The following ZNF717 variants were observed in gnomAD, a reference collection of about 807,000 sequenced individuals.
ZNF717 encodes krueppel-like factor X17.
Under a neutral mutation model 13.8 loss-of-function variants are expected in ZNF717, and 9 were observed. That is an observed-to-expected ratio of 0.65 (90% CI 0.39 to 1.14). ZNF717 has a LOEUF of 1.14. Ranked by LOEUF, ZNF717 falls within the 50% of genes most tolerant of loss-of-function variation. ZNF717 has a pLI of 0.01. For synonymous variants in ZNF717, 327 were observed against 364.1 expected, an observed-to-expected ratio of 0.90 and a Z score of 1.16; for missense variants, 1,040 against 1,080.7, an observed-to-expected ratio of 0.96 and a Z score of 0.53.
Position 75,737,150 on chromosome 3 carries a change from G to T in ZNF717, c.2473C>A (p.Gln825Lys). Reference sequence around the variant, plus strand: ...TGATGTACAAAGAGTTTTGACTTCTGGGAGAAGGTTTTCCTACATTCTTTA... The same window carrying T: ...TGATGTACAAAGAGTTTTGACTTCTTGGAGAAGGTTTTCCTACATTCTTTA... Reference protein sequence around the residue: ...ECKECRKTFSQKSKLFVHHRT... With the variant: ...ECKECRKTFSKKSKLFVHHRT... The change falls in exon 5 of 5, where the codon CAG (glutamine) becomes AAG (lysine). Residue 825 changes from glutamine (Q) to lysine (K), a missense_variant. By Grantham distance (53) the Gln-to-Lys change is moderately conservative. Coordinates refer to ENST00000652011, the MANE Select transcript of ZNF717 (RefSeq NM_001290208.3). 1.9e-6 allele frequency: 3 copies of T among 1,561,514 alleles called. No individual in the cohort carries two copies. The highest frequency in any genetic ancestry group is 2.6e-6 in the Non-Finnish European group (3 of 1,153,120).
At chr3:75,739,576 G>C (rs62246572) in intron 4 of ZNF717, among the ~76,000 whole-genome samples, 1 of 151,998 alleles carries the variant, frequency 6.6e-6, no homozygotes, top group African/African-American at 2.4e-5. Flanking sequence ...AAGTTTTCCT[G>C]TTCTTTTTTA....
chr3:75,764,645 T>C (rs1475899516), intron 2 of ZNF717, among the ~76,000 whole-genome samples: 3 of 152,118 alleles, frequency 2.0e-5, no homozygotes, highest in Non-Finnish European at 4.4e-5. Flanking sequence ...GATATACAAA[T>C]AGCCAACAGA....
chr3:75,712,670 CT>C, intron 5 of ZNF717, among the ~76,000 whole-genome samples: 1 of 146,210 alleles, frequency 6.8e-6, no homozygotes, highest in East Asian at 2.0e-4. Flanking sequence ...ACACAAGATT[CT>C]TTGTCATGTG....
downstream of ZNF717, among the ~76,000 whole-genome samples, chr3:75,732,432 C>A (rs76090413): frequency 2.0e-5 from 3 of 152,224 alleles, no homozygotes; most frequent in Non-Finnish European, 4.4e-5. Context: ...CCTGCTGGAC[C>A]CCCTGCAAAA....
intron 2 of ZNF717, among the ~76,000 whole-genome samples, chr3:75,781,151 A>G (rs1944786591): frequency 6.6e-6 from 1 of 152,264 alleles, no homozygotes; most frequent in African/African-American, 2.4e-5. Flanking sequence ...ACTGCAACCT[A>G]CCTTAATAGG....
At chr3:75,779,861 A>G (rs555468503) in intron 2 of ZNF717, among the ~76,000 whole-genome samples, 81 of 151,188 alleles carry the variant, frequency 5.4e-4, no homozygotes, top group African/African-American at 1.5e-3. Context: ...ATGTGCTAAA[A>G]CCGGAACCCA....
intron 2 of ZNF717, among the ~76,000 whole-genome samples, chr3:75,751,110 G>A (rs1231569446): frequency 6.6e-6 from 1 of 151,504 alleles, no homozygotes; most frequent in African/African-American, 2.4e-5. Flanking sequence ...ACTGCTATGA[G>A]GGTCCGAATG....
chr3:75,765,623 G>A (rs183018879), intron 2 of ZNF717, among the ~76,000 whole-genome samples: 122 of 149,200 alleles, frequency 8.2e-4, no homozygotes, highest in Middle Eastern at 6.9e-3. Context: ...CATGTTGCAG[G>A]CTGGTCTCCA....
downstream of ZNF717, among the ~76,000 whole-genome samples, chr3:75,734,815 A>ATT (rs1469622349): frequency 7.8e-3 from 339 of 43,208 alleles, 1 homozygote; most frequent in Non-Finnish European, 0.011. Context: ...ATATATATAT[A>ATT]TATTTTTTTT....
intron 4 of ZNF717, among the ~76,000 whole-genome samples, chr3:75,724,269 G>T (rs796657422): frequency 7.0e-6 from 1 of 143,668 alleles, no homozygotes; most frequent in African/African-American, 2.7e-5. Context: ...GTGGTCCCCC[G>T]GGCCCAAATG....
intron 6 of ZNF717, among the ~76,000 whole-genome samples, chr3:75,697,977 G>C (rs78421228): frequency 2.2e-3 from 331 of 152,396 alleles, no homozygotes; most frequent in African/African-American, 7.5e-3. Context: ...CAAAGGTCAC[G>C]CATGTTGTCT....
At position 75,737,639 on chromosome 3, in the gene ZNF717, G is replaced by A. The variant is rs1939536170; in HGVS notation, c.1984C>T (p.Leu662Phe). 1.9e-6 allele frequency: 3 copies of A among 1,544,422 alleles called. No individual in the cohort carries two copies. Among genetic ancestry groups the A allele is most frequent in the Admixed American group, 2.0e-5 (1 of 50,562 alleles). ...CGKTFHRKSF[L>F]TIHQRTHTGK... ...GTGTGAGTTCTCTGGTGTATGGTGA[G>A]GAATGACTTGCGATGAAAGGTTTTT... The change falls in exon 5 of 5, where the codon CTC (leucine) becomes TTC (phenylalanine). Residue 662 changes from leucine (L) to phenylalanine (F), a missense_variant. Transcript: ENST00000652011.
downstream of ZNF717, among the ~76,000 whole-genome samples, chr3:75,729,566 GATTGTGCCATTGC>G (rs1314831937): frequency 4.3e-5 from 6 of 138,280 alleles, no homozygotes; most frequent in Non-Finnish European, 9.0e-5. Context: ...GGTGAGCCGA[GATTGTGCCATTGC>G]ACTCCAGCCT....
intron 2 of ZNF717, among the ~76,000 whole-genome samples, chr3:75,766,026 G>A (rs1270787279): frequency 3.3e-5 from 5 of 152,270 alleles, no homozygotes; most frequent in Admixed American, 2.0e-4. Context: ...AGGACTGGTT[G>A]GGCCTGGGAG....
downstream of ZNF717, among the ~76,000 whole-genome samples, chr3:75,732,902 C>T (rs73841599): frequency 1.6e-4 from 24 of 147,002 alleles, no homozygotes; most frequent in Non-Finnish European, 3.0e-4. Context: ...ACCAGACACA[C>T]CTATGATATT....
intron 6 of ZNF717, among the ~76,000 whole-genome samples, chr3:75,697,209 G>A (rs1575756828): frequency 2.0e-5 from 3 of 152,418 alleles, no homozygotes; most frequent in African/African-American, 7.2e-5. Flanking sequence ...GCAATAAAAG[G>A]CATCCCAATT....
At chr3:75,727,154 G>A (rs199705425), downstream of ZNF717, among the ~76,000 whole-genome samples, 15 of 152,328 alleles carry the variant, frequency 9.8e-5, no homozygotes, top group South Asian at 2.1e-4. Flanking sequence ...TCCTAATCCC[G>A]TCATCTTCAT....
At position 75,737,152 on chromosome 3, in the gene ZNF717, G is replaced by A. The variant is rs748400238; in HGVS notation, c.2471C>T (p.Ser824Phe). The A allele has an allele frequency of 5.1e-6, 8 of 1,561,026 alleles. No individual in the cohort carries two copies. The East Asian group carries it at 7.3e-5, about 14-fold the overall frequency. Residue 824 changes from serine to phenylalanine, a missense_variant, in exon 5 of 5, where the codon TCC (serine) becomes TTC (phenylalanine). Around this residue, in one of 3 missense-constraint regions of ZNF717, gnomAD observed 873 missense variants for 832.8 expected, o/e 1.05. Transcript: ENST00000652011. ...FECKECRKTF[S>F]QKSKLFVHHR... Reference sequence around the variant, plus strand: ...ATGTACAAAGAGTTTTGACTTCTGGGAGAAGGTTTTCCTACATTCTTTACA... The same window carrying A: ...ATGTACAAAGAGTTTTGACTTCTGGAAGAAGGTTTTCCTACATTCTTTACA...
intron 2 of ZNF717, among the ~76,000 whole-genome samples, chr3:75,772,764 C>A (rs1434260426): frequency 6.6e-6 from 1 of 152,262 alleles, no homozygotes; most frequent in Non-Finnish European, 1.5e-5. Context: ...ACAGAACGAA[C>A]CCAGTGGGCC....
Sources: allele counts gnomAD v4.1 joint callset (sites outside exome capture counted in the v4.1 genomes callset), GRCh38; gene constraint gnomAD v4.1.1; regional missense constraint gnomAD v4.1.1; transcripts MANE v1.5; gene names NCBI Gene and HGNC (gene_info 2026-07-23, HGNC 2026-07-21).